KSR2: variants seen among roughly 807,000 people sequenced by gnomAD.
KSR2 encodes kinase suppressor of ras 2.
KSR2 carries 25 observed loss-of-function variants against 107.8 expected under a neutral mutation model. The observed-to-expected ratio is 0.23, with a 90% CI of 0.17 to 0.32. The LOEUF (loss-of-function observed/expected upper bound fraction) is 0.32. KSR2 is among the 10% of genes least tolerant of loss of function. The pLI is 1.00. For synonymous variants in KSR2, 480 were observed against 507.0 expected (o/e 0.95, Z 0.71); for missense variants, 887 against 1,268.9 (o/e 0.70, Z 4.57).
chr12:117,938,481 T>G (rs1263336562), intron 1 of KSR2, among the ~76,000 whole-genome samples: 1 of 151,782 alleles, frequency 6.6e-6, no homozygotes, highest in Non-Finnish European at 1.5e-5. Flanking sequence ...TAGAGAGACC[T>G]CATTTCTACA....
At chr12:117,695,145 G>A (rs947800589) in intron 4 of KSR2, among the ~76,000 whole-genome samples, 10 of 151,940 alleles carry the variant, frequency 6.6e-5, no homozygotes, top group African/African-American at 2.2e-4. Context: ...CACCACACCT[G>A]GCCGTATGAT....
At chr12:117,956,332 C>G (rs1408031921) in intron 1 of KSR2, among the ~76,000 whole-genome samples, 1 of 150,372 alleles carries the variant, frequency 6.7e-6, no homozygotes, top group Non-Finnish European at 1.5e-5. Flanking sequence ...CTTTGGGAGG[C>G]CAAGGCAGGA....
intron 5 of KSR2, among the ~76,000 whole-genome samples, chr12:117,610,179 T>C (rs768863406): frequency 6.6e-6 from 1 of 152,186 alleles, no homozygotes; most frequent in Non-Finnish European, 1.5e-5. Flanking sequence ...TATAAATCAA[T>C]GAAATTTTTA....
chr12:117,617,460 T>C (rs887568613), intron 5 of KSR2, among the ~76,000 whole-genome samples: 2 of 152,212 alleles, frequency 1.3e-5, no homozygotes, highest in African/African-American at 4.8e-5. Context: ...TAATGTCTTA[T>C]ATATCTTAAT....
chr12:117,865,217 C>T (rs1467442854), intron 1 of KSR2, among the ~76,000 whole-genome samples: 1 of 152,000 alleles, frequency 6.6e-6, no homozygotes, highest in Non-Finnish European at 1.5e-5. Flanking sequence ...TACTTTTAAT[C>T]GGATAGAAAA....
At chr12:117,684,316 G>A (rs1017802430) in intron 4 of KSR2, among the ~76,000 whole-genome samples, 1 of 152,238 alleles carries the variant, frequency 6.6e-6, no homozygotes, top group East Asian at 1.9e-4. Context: ...GGCAGGGGTT[G>A]TGTTTAACTT....
chr12:117,906,739 A>G (rs941224108), intron 1 of KSR2, among the ~76,000 whole-genome samples: 3 of 152,116 alleles, frequency 2.0e-5, no homozygotes, highest in Admixed American at 6.5e-5. Context: ...AATCCCCTGG[A>G]AGGCTTGTTA....
At chr12:117,656,984 A>ATC (rs1884199177) in intron 5 of KSR2, among the ~76,000 whole-genome samples, 1 of 13,196 alleles carries the variant, frequency 7.6e-5, no homozygotes, top group Admixed American at 1.0e-3. Context: ...ATAATAGGAT[A>ATC]TATATATATA....
At chr12:117,541,488 A>C (rs751301261) in intron 9 of KSR2, among the ~76,000 whole-genome samples, 2 of 152,200 alleles carry the variant, frequency 1.3e-5, no homozygotes, top group Non-Finnish European at 2.9e-5. Context: ...AAAAGCAGCA[A>C]ACCTCCACAT....
chr12:117,921,286 T>C (rs980359558), intron 1 of KSR2, among the ~76,000 whole-genome samples: 2 of 152,204 alleles, frequency 1.3e-5, no homozygotes. Context: ...CTATTGTTAT[T>C]CCTAATTCCA....
Position 117,785,911 on chromosome 12 carries a change from C to T in KSR2, c.473-24387G>A, listed in dbSNP as rs189884552. Among the ~76,000 whole-genome samples, 727 of 152,236 alleles carry T rather than the reference C, an allele frequency of 4.8e-3. 5 individuals carry two copies. The highest frequency in any genetic ancestry group is 0.016 in the African/African-American group (672 of 41,566). On this transcript the variant is annotated intron_variant, in intron 3 of 19. Coordinates refer to ENST00000339824, the MANE Select transcript of KSR2 (RefSeq NM_173598.6). ...AAAAACAAAACAAAACTCTTAAAGACATAATGGCTGAAAATTCCCAAATTT... is the reference window on the plus strand; with the variant it reads ...AAAAACAAAACAAAACTCTTAAAGATATAATGGCTGAAAATTCCCAAATTT...
At position 117,763,213 on chromosome 12, in the gene KSR2, C is replaced by T. The variant is rs1889109269; in HGVS notation, c.473-1689G>A. On this transcript the variant is annotated intron_variant, in intron 3 of 19. Transcript: ENST00000339824. ...ATTTCATCCATGTCCCTACAAAGGA[C>T]ATGAACTCATCATTTTTTATGGCTG... Among the ~76,000 whole-genome samples the T allele has an allele frequency of 2.6e-5, 4 of 151,992 alleles. No individual in the cohort carries two copies. The South Asian group carries it at 6.3e-4, about 24-fold the overall frequency.
intron 4 of KSR2, among the ~76,000 whole-genome samples, chr12:117,669,954 T>TAA (rs10629052): frequency 0.018 from 2,788 of 151,196 alleles, 50 homozygotes; most frequent in African/African-American, 0.045. Context: ...GTTGCTGAAA[T>TAA]AAAAAAAAAT....
At chr12:117,924,253 G>C (rs114144732) in intron 1 of KSR2, among the ~76,000 whole-genome samples, 35 of 151,592 alleles carry the variant, frequency 2.3e-4, no homozygotes, top group African/African-American at 8.5e-4. Flanking sequence ...TAGATATCAA[G>C]TTGGTGACAT....
intron 4 of KSR2, among the ~76,000 whole-genome samples, chr12:117,718,565 G>A (rs1232060295): frequency 6.6e-6 from 1 of 152,190 alleles, no homozygotes; most frequent in African/African-American, 2.4e-5. Flanking sequence ...TGAGGTTGGT[G>A]AATGAGTGGC....
chr12:117,473,784 C>T (rs764425417), intron 17 of KSR2, among the ~76,000 whole-genome samples: 4 of 152,128 alleles, frequency 2.6e-5, no homozygotes, highest in Admixed American at 2.6e-4. Flanking sequence ...CACTGGGACT[C>T]TATGGTTAAA....
At chr12:117,840,298 A>G (rs1260849856) in intron 3 of KSR2, among the ~76,000 whole-genome samples, 1 of 152,092 alleles carries the variant, frequency 6.6e-6, no homozygotes, top group East Asian at 1.9e-4. Flanking sequence ...GGGTTTCACC[A>G]TGTTGGCCAG....
At chr12:117,864,906 A>G (rs1341712614) in intron 1 of KSR2, among the ~76,000 whole-genome samples, 1 of 152,154 alleles carries the variant, frequency 6.6e-6, no homozygotes, top group Non-Finnish European at 1.5e-5. Context: ...CAACATTTGA[A>G]TCTTGAGGGA....
intron 3 of KSR2, among the ~76,000 whole-genome samples, chr12:117,826,730 G>A (rs1300429662): frequency 1.4e-5 from 2 of 147,056 alleles, no homozygotes; most frequent in East Asian, 2.0e-4. Flanking sequence ...ACACACACAC[G>A]CCGAGAGAGA....
Sources: gnomAD v4.1 joint callset for allele counts (sites outside exome capture counted in the v4.1 genomes callset) on GRCh38, gnomAD v4.1.1 for gene constraint, MANE v1.5 for transcripts, NCBI Gene and HGNC (gene_info 2026-07-23, HGNC 2026-07-21) for gene names.